Variants in SEPSECS observed in about 807,000 individuals in gnomAD.
The protein encoded by SEPSECS is Sep (O-phosphoserine) tRNA:Sec (selenocysteine) tRNA synthase.
In SEPSECS, 42 loss-of-function variants were observed where a neutral mutation model predicts 52.1. That is an observed-to-expected ratio of 0.81 (90% CI 0.63 to 1.04). SEPSECS has a LOEUF of 1.04. SEPSECS is among the 50% of genes least tolerant of loss of function. The pLI is 0.00. For synonymous variants in SEPSECS, 216 were observed against 211.4 expected, an observed-to-expected ratio of 1.02 and a Z score of -0.19; for missense variants, 590 against 610.6, an observed-to-expected ratio of 0.97 and a Z score of 0.36.
At chr4:25,130,499 A>C (rs923473028) in intron 8 of SEPSECS, among the ~76,000 whole-genome samples, 3 of 152,226 alleles carry the variant, frequency 2.0e-5, no homozygotes. Flanking sequence ...GTATTTTTAG[A>C]CTACGAGGAT....
intron 3 of SEPSECS, 147 bp downstream of exon 3, chr4:25,156,707 CAA>C (rs34542574): frequency 0.051 from 11,110 of 219,478 alleles, no homozygotes; most frequent in East Asian, 0.072. Flanking sequence ...GACTCCGTCT[CAA>C]AAAAAAAAAA....
At chr4:25,142,860 T>C (rs1035720984) in intron 8 of SEPSECS, among the ~76,000 whole-genome samples, 5 of 152,220 alleles carry the variant, frequency 3.3e-5, no homozygotes, top group Non-Finnish European at 5.9e-5. Context: ...AAGTAACTCT[T>C]TTAAGAAATA....
intron 6 of SEPSECS, among the ~76,000 whole-genome samples, chr4:25,146,519 G>A (rs1278103052): frequency 1.3e-5 from 2 of 152,142 alleles, no homozygotes; most frequent in Non-Finnish European, 2.9e-5. Context: ...ATAAAGATAA[G>A]TGGACAGTCA....
intron 6 of SEPSECS, among the ~76,000 whole-genome samples, chr4:25,147,748 A>G (rs1712048265): frequency 6.6e-6 from 1 of 152,226 alleles, no homozygotes; most frequent in Non-Finnish European, 1.5e-5. Context: ...CTGGGGTCTC[A>G]TCTTAAAAAC....
chr4:25,144,903 G>T (rs191720294), intron 7 of SEPSECS, 38 bp from the exon 8 acceptor site: 42 of 1,574,742 alleles, frequency 2.7e-5, no homozygotes, highest in South Asian at 1.3e-4. Flanking sequence ...AGACTGTGGT[G>T]GGGGGGTAGC....
chr4:25,132,334 G>A (rs1019285052), intron 8 of SEPSECS, among the ~76,000 whole-genome samples: 2 of 151,920 alleles, frequency 1.3e-5, no homozygotes, highest in South Asian at 4.2e-4. Flanking sequence ...ATATAAAAAG[G>A]AGCTCTCAGT....
At position 25,122,679 on chromosome 4, in the gene SEPSECS, T is replaced by C. The variant is rs1728177212; in HGVS notation, c.*1252A>G. 6.6e-6 allele frequency: 1 copy of C among 152,166 alleles called. No individual in the cohort carries two copies. The highest frequency in any genetic ancestry group is 1.5e-5 in the Non-Finnish European group (1 of 68,002). 9.4% of individuals were successfully genotyped at this position (152,166 alleles called of 1,614,324 possible). A position where few individuals can be genotyped will look rare whatever the true frequency, so the allele number is the denominator to read the frequency against. ...TCCACAGAGCTGGGTTTGAGAAACA[T>C]AGCTTTGGCATGGTGGCATGTTCAG... On this transcript the variant is annotated 3_prime_UTR_variant, in exon 11 of 11. Transcript: ENST00000382103.
At position 25,160,441 on chromosome 4, in the gene SEPSECS, A is replaced by C; in HGVS notation, c.-72T>G. ...ACGCCAGACACACGACGGAACCAGA[A>C]TGCAACTCGCCGCCTGGACGGTACG... On this transcript the variant is annotated 5_prime_UTR_variant, in exon 1 of 11. Transcript: ENST00000382103. 7.9e-7 allele frequency: 1 copy of C among 1,258,854 alleles called. No individual in the cohort carries two copies. The highest frequency in any genetic ancestry group is 1.3e-5 in the South Asian group (1 of 75,244). 78.0% of individuals were successfully genotyped at this position (1,258,854 alleles called of 1,614,324 possible). A position where few individuals can be genotyped will look rare whatever the true frequency, so the allele number is the denominator to read the frequency against.
At position 25,145,263 on chromosome 4, in the gene SEPSECS, C is replaced by T. The variant is rs1441615536; in HGVS notation, c.805-130G>A. On this transcript the variant is annotated intron_variant, in intron 6 of 10. Transcript: ENST00000382103. ...ATATTAGCCTGATTTAACCATTTTA[C>T]AATATATACATGCATCAAAACATCA... 2.5e-5 allele frequency: 22 copies of T among 894,548 alleles called. No homozygotes were observed. The Admixed American group carries it at 4.0e-4, about 16-fold the overall frequency. The allele number at this position is 894,548 out of a possible 1,614,324, so 55.4% of individuals were successfully genotyped here. A position where few individuals can be genotyped will look rare whatever the true frequency, so the allele number is the denominator to read the frequency against.
At chr4:25,145,237 T>C (rs2109022470) in intron 6 of SEPSECS, 104 bp from the exon 7 acceptor site, 3 of 1,189,180 alleles carry the variant, frequency 2.5e-6, no homozygotes, top group South Asian at 2.6e-5. Flanking sequence ...AGTTAATTAA[T>C]ATATTAGCCT....
At chr4:25,130,832 G>A (rs1172934637) in intron 8 of SEPSECS, among the ~76,000 whole-genome samples, 5 of 151,980 alleles carry the variant, frequency 3.3e-5, no homozygotes, top group Admixed American at 6.6e-5. Flanking sequence ...AGCTACTACC[G>A]AACCTGTACT....
Position 25,127,285 on chromosome 4 carries a change from G to A in SEPSECS, c.1099C>T (p.Pro367Ser). 6.2e-7 allele frequency: 1 copy of A among 1,611,234 alleles called. No homozygotes were observed. The highest frequency in any genetic ancestry group is 1.7e-4 in the Middle Eastern group (1 of 6,048). Residue 367 changes from proline to serine, a missense_variant, in exon 9 of 11, where the codon CCT becomes TCT. Physicochemically the swap from Pro to Ser is moderately conservative, Grantham distance 74 (BLOSUM62 -1). Coordinates refer to ENST00000382103, the MANE Select transcript of SEPSECS (RefSeq NM_016955.4). ...TTACCTAAAGATATGGGATTGTGAG[G>A]TGTATGCAACAGTCTTTCATTGTAG... ...EAYNERLLHT[P>S]HNPISLAMTL...
At chr4:25,154,014 A>G (rs1712470844) in intron 5 of SEPSECS, among the ~76,000 whole-genome samples, 1 of 152,140 alleles carries the variant, frequency 6.6e-6, no homozygotes, top group Admixed American at 6.5e-5. Context: ...CTATCACATT[A>G]AAAATTTTAT....
At chr4:25,150,515 T>C (rs1487947018) in intron 6 of SEPSECS, among the ~76,000 whole-genome samples, 1 of 152,116 alleles carries the variant, frequency 6.6e-6, no homozygotes, top group African/African-American at 2.4e-5. Context: ...ATAAGTGTTC[T>C]GGAGAAAAAT....
chr4:25,150,135 T>A (rs535022517), intron 6 of SEPSECS, among the ~76,000 whole-genome samples: 2 of 152,314 alleles, frequency 1.3e-5, no homozygotes, highest in South Asian at 4.1e-4. Flanking sequence ...ATTAGTATAC[T>A]AAAAATAATA....
chr4:25,132,147 G>A (rs1275971045), intron 8 of SEPSECS, among the ~76,000 whole-genome samples: 1 of 152,130 alleles, frequency 6.6e-6, no homozygotes, highest in African/African-American at 2.4e-5. Context: ...AGAAGGAATG[G>A]CTTCAAGCTG....
chr4:25,154,905 T>C (rs1295859515), intron 5 of SEPSECS, 93 bp downstream of exon 5: 71 of 1,274,012 alleles, frequency 5.6e-5, no homozygotes, highest in Non-Finnish European at 7.6e-5. Flanking sequence ...CACCTATTTA[T>C]TGTGAAGTGT....
intron 8 of SEPSECS, among the ~76,000 whole-genome samples, chr4:25,141,752 C>T (rs541207913): frequency 6.6e-6 from 1 of 152,174 alleles, no homozygotes; most frequent in African/African-American, 2.4e-5. Flanking sequence ...GAGGCACGGA[C>T]CTTACTGTGG....
chr4:25,141,012 A>T (rs1729042198), intron 8 of SEPSECS, among the ~76,000 whole-genome samples: 1 of 152,196 alleles, frequency 6.6e-6, no homozygotes, highest in Non-Finnish European at 1.5e-5. Context: ...CTACTTATGT[A>T]ACATTTATAT....
Sources: allele counts gnomAD v4.1 joint callset (sites outside exome capture counted in the v4.1 genomes callset), GRCh38; gene constraint gnomAD v4.1.1; transcripts MANE v1.5; gene names NCBI Gene and HGNC (gene_info 2026-07-23, HGNC 2026-07-21).